Variants in SLC35F3 observed in about 807,000 individuals in gnomAD.
SLC35F3 encodes the protein solute carrier family 35 member F3.
A neutral mutation model predicts 49.9 loss-of-function variants in SLC35F3; 25 were observed. The ratio of observed to expected loss-of-function variants is 0.50; its 90% CI spans 0.37 to 0.70. The LOEUF is 0.70. Ranked by LOEUF, SLC35F3 falls within the 30% of genes least tolerant of loss-of-function variation. The pLI is 0.00. For missense variants in SLC35F3, 525 were observed against 639.8 expected (o/e 0.82, Z 1.94); for synonymous variants, 275 against 265.4 (o/e 1.04, Z -0.35).
intron 2 of SLC35F3, among the ~76,000 whole-genome samples, chr1:234,062,274 AC>A (rs1444158484): frequency 1.3e-5 from 2 of 152,116 alleles, no homozygotes; most frequent in East Asian, 3.8e-4. Flanking sequence ...CCTTGGGTAT[AC>A]CCTGAGTCAC....
At chr1:234,121,351 G>C (rs927677613) in intron 2 of SLC35F3, among the ~76,000 whole-genome samples, 3 of 151,620 alleles carry the variant, frequency 2.0e-5, no homozygotes, top group African/African-American at 7.3e-5. Flanking sequence ...TGTTAGCCAG[G>C]ATGGTCTCGA....
intron 2 of SLC35F3, among the ~76,000 whole-genome samples, chr1:234,080,623 C>A (rs1664861058): frequency 6.6e-6 from 1 of 152,090 alleles, no homozygotes; most frequent in African/African-American, 2.4e-5. Context: ...ATGGATGAAT[C>A]CTGAAAACAT....
At chr1:234,039,800 C>A (rs1213215752) in intron 2 of SLC35F3, among the ~76,000 whole-genome samples, 1 of 152,200 alleles carries the variant, frequency 6.6e-6, no homozygotes, top group Non-Finnish European at 1.5e-5. Context: ...GGAGCAAACT[C>A]CATGCACGCC....
intron 2 of SLC35F3, among the ~76,000 whole-genome samples, chr1:234,020,134 C>CAA (rs57442560): frequency 1.4e-5 from 2 of 146,164 alleles, no homozygotes; most frequent in Non-Finnish European, 1.5e-5. Context: ...CCATCCCACA[C>CAA]AAAAAAAAAA....
chr1:234,136,371 T>G (rs1008134378), intron 2 of SLC35F3, among the ~76,000 whole-genome samples: 13 of 152,080 alleles, frequency 8.5e-5, no homozygotes, highest in Middle Eastern at 3.4e-3. Context: ...CTTCCTTCTT[T>G]CTTTCTATTT....
chr1:234,306,773 C>G (rs1411336000), intron 3 of SLC35F3, among the ~76,000 whole-genome samples: 1 of 152,150 alleles, frequency 6.6e-6, no homozygotes, highest in East Asian at 1.9e-4. Flanking sequence ...CCTTCTCCAT[C>G]CCATCTACAA....
At chr1:234,088,603 T>C (rs1486629889) in intron 2 of SLC35F3, among the ~76,000 whole-genome samples, 1 of 152,236 alleles carries the variant, frequency 6.6e-6, no homozygotes, top group Non-Finnish European at 1.5e-5. Context: ...AAGTACCGAA[T>C]TAAAATATTT....
In SLC35F3 at chr1:234,094,723, T is replaced by A. The variant is rs542235992; in HGVS notation, c.284-136694T>A. On this transcript the variant is annotated intron_variant, in intron 2 of 7. Coordinates refer to ENST00000366618, the MANE Select transcript of SLC35F3 (RefSeq NM_173508.4). The stretch of plus-strand genomic sequence containing the variant: ...TATAGGATTCGGCAGGGGGCGCTTT[T>A]ATGAGGCATGAGGGAGGCTTGATAG... Among the ~76,000 whole-genome samples the A allele has an allele frequency of 6.7e-4, 102 of 152,262 alleles. 2 individuals are homozygous for A. The South Asian group carries it at 0.02, about 30-fold the overall frequency.
At chr1:234,068,839 A>ATATATATC (rs1310791649) in intron 2 of SLC35F3, among the ~76,000 whole-genome samples, 2 of 132,790 alleles carry the variant, frequency 1.5e-5, no homozygotes, top group Non-Finnish European at 3.1e-5. Context: ...ATATATATAT[A>ATATATATC]TATATATATA....
chr1:234,139,951 T>TAATAAAATAAAATAA (rs1553308858), intron 2 of SLC35F3, among the ~76,000 whole-genome samples: 31,430 of 90,340 alleles, frequency 0.35, 7,555 homozygotes, highest in Non-Finnish European at 0.4. Flanking sequence ...CATCTCAAAA[T>TAATAAAATAAAATAA]AATAAAATAA....
chr1:234,113,148 C>A (rs1665433992), intron 2 of SLC35F3, among the ~76,000 whole-genome samples: 1 of 152,170 alleles, frequency 6.6e-6, no homozygotes, highest in Non-Finnish European at 1.5e-5. Context: ...CTGACATAAT[C>A]AAAGCACTCT....
chr1:233,906,324 T>C (rs1411861933), intron 2 of SLC35F3, among the ~76,000 whole-genome samples: 1 of 152,172 alleles, frequency 6.6e-6, no homozygotes, highest in East Asian at 1.9e-4. Context: ...GATAGTGGTG[T>C]TGGTCCCTGC....
rs1558232224 is a variant in SLC35F3, at chr1:234,109,870, C to CATTTG, written c.284-121545_284-121541dup. ...AGGGATACTTTCTTAGAGAAGGAGG[C>CATTTG]ATTTGAGCTGGGCTTTGAAGATGGG... On this transcript the variant is annotated intron_variant, in intron 2 of 7. Transcript: ENST00000366618. Among the ~76,000 whole-genome samples the CATTTG allele has an allele frequency of 3.3e-5, 5 of 152,134 alleles. No homozygotes were observed. In the East Asian group the frequency reaches 7.7e-4, roughly 23 times the overall value.
In SLC35F3 at chr1:234,124,709, A is replaced by G. The variant is rs544107640; in HGVS notation, c.284-106708A>G. On this transcript the variant is annotated intron_variant, in intron 2 of 7. Coordinates refer to ENST00000366618, the MANE Select transcript of SLC35F3 (RefSeq NM_173508.4). ...TAGCAAGACCCCATCTCTACGAAAA[A>G]ATTAAAAAATTATCCGAGCATGGTA... Among the ~76,000 whole-genome samples, 14 of 152,272 alleles carry G rather than the reference A, an allele frequency of 9.2e-5. No homozygotes were observed. The South Asian group carries it at 2.9e-3, about 32-fold the overall frequency.
intron 2 of SLC35F3, among the ~76,000 whole-genome samples, chr1:234,126,298 T>C (rs1029196108): frequency 6.6e-6 from 1 of 152,220 alleles, no homozygotes; most frequent in Non-Finnish European, 1.5e-5. Context: ...TCTTTTGTTT[T>C]AGCTAAAGTT....
At chr1:233,930,118 C>T (rs1662218798) in intron 2 of SLC35F3, among the ~76,000 whole-genome samples, 1 of 150,638 alleles carries the variant, frequency 6.6e-6, no homozygotes, top group African/African-American at 2.4e-5. Context: ...TATTGTACTC[C>T]AGCCTGGCTG....
Position 234,231,554 on chromosome 1 carries a change from G to A in SLC35F3, c.421G>A (p.Val141Ile), listed in dbSNP as rs267598420. The A allele has an allele frequency of 6.2e-7, 1 of 1,614,166 alleles. No individual in the cohort carries two copies. Among genetic ancestry groups the A allele is most frequent in the Non-Finnish European group, 8.5e-7 (1 of 1,180,010 alleles). Residue 141 changes from valine (V) to isoleucine (I), a missense_variant, in exon 3 of 8, where the codon GTC becomes ATC. Around this residue, in one of 4 missense-constraint regions of SLC35F3, gnomAD observed 228 missense variants for 218.9 expected, o/e 1.04. Coordinates refer to ENST00000366618, the MANE Select transcript of SLC35F3 (RefSeq NM_173508.4). This position sits in a 1 kb window ranked among gnomAD's most constrained non-coding sequence, Gnocchi z 5.4. ...QLKKIFWGVAVVLCVCSSWAG... is the reference protein window; with the variant it reads ...QLKKIFWGVAIVLCVCSSWAG... ...CAAGAAGATCTTCTGGGGCGTGGCG[G>A]TCGTGCTGTGCGTGTGCTCCTCGTG...
intron 4 of SLC35F3, among the ~76,000 whole-genome samples, chr1:234,313,600 T>C (rs1054754650): frequency 9.2e-5 from 14 of 151,992 alleles, no homozygotes; most frequent in African/African-American, 2.2e-4. Flanking sequence ...GTGGGGAGCA[T>C]TGAGGGCTGG....
At chr1:234,115,970 G>A (rs1054177761) in intron 2 of SLC35F3, among the ~76,000 whole-genome samples, 1 of 152,168 alleles carries the variant, frequency 6.6e-6, no homozygotes, top group Non-Finnish European at 1.5e-5. Flanking sequence ...AGGGTGAGCA[G>A]TAGGGGAAAG....
Sources: gnomAD v4.1 joint callset for allele counts (sites outside exome capture counted in the v4.1 genomes callset) on GRCh38, gnomAD v4.1.1 for gene constraint, gnomAD v4.1.1 regional missense constraint, Gnocchi (gnomAD v3.1) non-coding constraint, MANE v1.5 for transcripts, NCBI Gene and HGNC (gene_info 2026-07-23, HGNC 2026-07-21) for gene names.